Variants in COL14A1 observed in about 807,000 individuals in gnomAD.
COL14A1 encodes collagen alpha-1(XIV) chain.
Under a neutral mutation model 230.3 loss-of-function variants are expected in COL14A1, and 136 were observed. That is an observed-to-expected ratio of 0.59 (90% CI 0.51 to 0.68). The LOEUF (loss-of-function observed/expected upper bound fraction) is 0.68. Ranked by LOEUF, COL14A1 falls within the 30% of genes least tolerant of loss-of-function variation. COL14A1 has a pLI of 0.00. For synonymous variants in COL14A1, 792 were observed against 784.1 expected (o/e 1.01, Z -0.17); for missense variants, 1,976 against 2,215.8 (o/e 0.89, Z 2.17).
At position 120,168,240 on chromosome 8, in the gene COL14A1, A is replaced by G; in HGVS notation, c.429A>G (p.Ser143=). Residue 143 remains serine (S), a synonymous_variant, in exon 5 of 48, where the codon TCA becomes TCG. Transcript: ENST00000297848. ...GAGGAAATGGGAGTAGACCATCTTCACCAGAAGGTCAGAGACGATTTTAAT... is the reference window on the plus strand; with the variant it reads ...GAGGAAATGGGAGTAGACCATCTTCGCCAGAAGGTCAGAGACGATTTTAAT... ...VDRGNGSRPS[S]PEEVKFVCQT... 6.2e-7 allele frequency: 1 copy of G among 1,609,042 alleles called. No individual in the cohort carries two copies. Among genetic ancestry groups the G allele is most frequent in the East Asian group, 2.2e-5 (1 of 44,838 alleles).
At chr8:120,211,183 A>G (rs1240460266) in intron 12 of COL14A1, among the ~76,000 whole-genome samples, 1 of 152,196 alleles carries the variant, frequency 6.6e-6, no homozygotes, top group East Asian at 1.9e-4. Flanking sequence ...ATAGGGAAAC[A>G]TCTTGCAAGC....
intron 24 of COL14A1, among the ~76,000 whole-genome samples, chr8:120,265,289 T>C (rs548997067): frequency 2.6e-5 from 4 of 152,238 alleles, no homozygotes; most frequent in African/African-American, 7.2e-5. Context: ...TGATTTTCCA[T>C]GTTAAAGAAG....
At chr8:120,313,431 A>G (rs6469915) in intron 37 of COL14A1, among the ~76,000 whole-genome samples, 100,202 of 152,046 alleles carry the variant, frequency 0.66, 34,663 homozygotes, top group African/African-American at 0.89. Context: ...GACATTGAAG[A>G]AGGTGTAGTG....
intron 19 of COL14A1, among the ~76,000 whole-genome samples, chr8:120,241,692 T>A (rs1439928932): frequency 6.6e-6 from 1 of 151,916 alleles, no homozygotes; most frequent in Non-Finnish European, 1.5e-5. Context: ...AGGAGATGGT[T>A]TTTTACTCTT....
intron 3 of COL14A1, among the ~76,000 whole-genome samples, chr8:120,161,185 C>A (rs994554839): frequency 6.6e-6 from 1 of 152,144 alleles, no homozygotes; most frequent in African/African-American, 2.4e-5. Flanking sequence ...ATAATAGCAG[C>A]ATCAAATTTC....
At chr8:120,301,533 C>T (rs1820710584) in intron 36 of COL14A1, among the ~76,000 whole-genome samples, 1 of 152,096 alleles carries the variant, frequency 6.6e-6, no homozygotes, top group Non-Finnish European at 1.5e-5. Flanking sequence ...AAGACATGAT[C>T]TTGATCTTTT....
intron 11 of COL14A1, among the ~76,000 whole-genome samples, chr8:120,209,291 C>T (rs2875940): frequency 0.4 from 61,214 of 151,942 alleles, 13,311 homozygotes; most frequent in Non-Finnish European, 0.47. Flanking sequence ...TGCTTGAGCC[C>T]GGGAGGTAGA....
chr8:120,160,890 T>G (rs1277266347), intron 3 of COL14A1, among the ~76,000 whole-genome samples: 7 of 152,230 alleles, frequency 4.6e-5, no homozygotes, highest in Non-Finnish European at 8.8e-5. Flanking sequence ...TTAAAGCTTT[T>G]TTTGTTTGTT....
Position 120,297,513 on chromosome 8 carries a change from C to A in COL14A1, c.4239C>A (p.Phe1413Leu). 7.0e-7 allele frequency: 1 copy of A among 1,438,248 alleles called. No homozygotes were observed. The highest frequency in any genetic ancestry group is 9.1e-7 in the Non-Finnish European group (1 of 1,095,242). The allele number at this position is 1,438,248 out of a possible 1,614,324, so 89.1% of individuals were successfully genotyped here. A position where few individuals can be genotyped will look rare whatever the true frequency, so the allele number is the denominator to read the frequency against. The change falls in exon 35 of 48, where the codon TTC (phenylalanine) becomes TTA (leucine). Residue 1413 changes from phenylalanine (F) to leucine (L), a missense_variant and splice_region_variant. This residue lies in a region of COL14A1 where 1,791 missense variants were observed against 2,019.5 expected (regional missense o/e 0.89). Coordinates refer to ENST00000297848, the MANE Select transcript of COL14A1 (RefSeq NM_021110.4). ...SRGPGGNSAP[F>L]QLQMFDIVCS... is the part of the protein sequence containing the mutation. ...ACAATTTTCTTTTTAAATCATAGTT[C>A]CAGTTACAGATGTTTGATATTGTTT...
intron 41 of COL14A1, among the ~76,000 whole-genome samples, 175 bp from the exon 42 acceptor site, chr8:120,332,489 A>G (rs1298147201): frequency 6.6e-6 from 1 of 152,196 alleles, no homozygotes; most frequent in Non-Finnish European, 1.5e-5. Context: ...TAGTGAGGAG[A>G]CTAAAAAAAA....
At chr8:120,242,842 G>T (rs958636297) in intron 19 of COL14A1, among the ~76,000 whole-genome samples, 1 of 152,156 alleles carries the variant, frequency 6.6e-6, no homozygotes, top group Non-Finnish European at 1.5e-5. Context: ...CTGCTTCTGG[G>T]TTCAACTCGA....
chr8:120,177,506 G>A lies in COL14A1; in HGVS notation c.436+9259G>A, dbSNP rs139370482. ...TCTGGTAAAAATACAAAAATTAGCC[G>A]GGAGTGGTGGCGCACATCAGTAATC... On this transcript the variant is annotated intron_variant, in intron 5 of 47. Coordinates refer to ENST00000297848, the MANE Select transcript of COL14A1 (RefSeq NM_021110.4). 3.8e-3 allele frequency among the ~76,000 whole-genome samples: 584 copies of A among 151,692 alleles called. 2 individuals are homozygous for A. The highest frequency in any genetic ancestry group is 0.013 in the African/African-American group (553 of 41,394).
In COL14A1 at chr8:120,363,032, A is replaced by G. The variant is rs545772949; in HGVS notation, c.5078-4139A>G. On this transcript the variant is annotated intron_variant, in intron 45 of 47. Coordinates refer to ENST00000297848, the MANE Select transcript of COL14A1 (RefSeq NM_021110.4). ...AGTTGATATCACCACCACACAAGGAACTTGTTAGAAAAAGCAGTGTTCACC... is the reference window on the plus strand; with the variant it reads ...AGTTGATATCACCACCACACAAGGAGCTTGTTAGAAAAAGCAGTGTTCACC... Among the ~76,000 whole-genome samples, 8 of 152,314 alleles carry G rather than the reference A, an allele frequency of 5.3e-5. No homozygotes were observed. In the South Asian group the frequency reaches 1.7e-3, roughly 32 times the overall value.
chr8:120,189,892 C>A (rs1816763002), intron 5 of COL14A1, among the ~76,000 whole-genome samples: 1 of 151,842 alleles, frequency 6.6e-6, no homozygotes, highest in South Asian at 2.1e-4. Flanking sequence ...CATTGTTGGA[C>A]ATTTGTGTTG....
At chr8:120,320,328 C>T (rs1821394633) in intron 40 of COL14A1, among the ~76,000 whole-genome samples, 1 of 152,112 alleles carries the variant, frequency 6.6e-6, no homozygotes, top group South Asian at 2.1e-4. Flanking sequence ...CTTGACACGT[C>T]GAGATGCCTT....
chr8:120,310,911 A>G (rs776706570), intron 37 of COL14A1, among the ~76,000 whole-genome samples: 1 of 152,058 alleles, frequency 6.6e-6, no homozygotes, highest in Non-Finnish European at 1.5e-5. Context: ...CATTTTCACC[A>G]TGTTGCTCCA....
intron 36 of COL14A1, among the ~76,000 whole-genome samples, chr8:120,303,617 G>T (rs1204012173): frequency 6.6e-6 from 1 of 152,142 alleles, no homozygotes. Flanking sequence ...GCTTTTTGAT[G>T]TGCTGCTGGA....
chr8:120,283,582 A>G, intron 31 of COL14A1, 54 bp from the exon 32 acceptor site: 1 of 1,536,938 alleles, frequency 6.5e-7, no homozygotes, highest in Non-Finnish European at 8.7e-7. Flanking sequence ...TAATCAAAGG[A>G]GTAACTTTTT....
chr8:120,296,897 C>CT (rs1820546192), intron 34 of COL14A1, among the ~76,000 whole-genome samples: 1 of 151,884 alleles, frequency 6.6e-6, no homozygotes, highest in Non-Finnish European at 1.5e-5. Flanking sequence ...TATTTATGTG[C>CT]TCCCCTCTCA....
Sources: gnomAD v4.1 joint callset for allele counts (sites outside exome capture counted in the v4.1 genomes callset) on GRCh38, gnomAD v4.1.1 for gene constraint, gnomAD v4.1.1 regional missense constraint, MANE v1.5 for transcripts, NCBI Gene and HGNC (gene_info 2026-07-23, HGNC 2026-07-21) for gene names.